The following SLC25A48 variants were observed in gnomAD, a reference collection of about 807,000 sequenced individuals.
SLC25A48 encodes solute carrier family 25 member 48.
A neutral mutation model predicts 32.2 loss-of-function variants in SLC25A48; 29 were observed. The ratio of observed to expected loss-of-function variants is 0.90; its 90% CI spans 0.67 to 1.23. The LOEUF (loss-of-function observed/expected upper bound fraction) is 1.23, where lower values mean the gene tolerates loss of function less well. Among genes scored for constraint, SLC25A48 ranks in the 50% most tolerant of loss-of-function variants. The pLI is 0.00. For missense variants in SLC25A48, 399 were observed against 422.7 expected, an observed-to-expected ratio of 0.94 and a Z score of 0.49; for synonymous variants, 164 against 172.3, an observed-to-expected ratio of 0.95 and a Z score of 0.38.
At chr5:135,634,303 G>T (rs1282337691) in intron 2 of SLC25A48, among the ~76,000 whole-genome samples, 1 of 152,232 alleles carries the variant, frequency 6.6e-6, no homozygotes, top group Non-Finnish European at 1.5e-5. Flanking sequence ...CAAATAACAG[G>T]CATCTCTTCC....
At chr5:135,697,294 A>ATCCCCCTC (rs879649036) in intron 3 of SLC25A48, among the ~76,000 whole-genome samples, 6 of 151,802 alleles carry the variant, frequency 4.0e-5, no homozygotes, top group Admixed American at 1.3e-4. Flanking sequence ...GAGAGAGGCA[A>ATCCCCCTC]CACAGAGGCT....
At chr5:135,628,271 A>G (rs1351765467) in intron 1 of SLC25A48, among the ~76,000 whole-genome samples, 1 of 152,174 alleles carries the variant, frequency 6.6e-6, no homozygotes, top group Non-Finnish European at 1.5e-5. Context: ...TAAAGACTCC[A>G]AAAACCTTTT....
At chr5:135,764,726 G>A (rs186149184) in intron 3 of SLC25A48, among the ~76,000 whole-genome samples, 1 of 144,334 alleles carries the variant, frequency 6.9e-6, no homozygotes, top group South Asian at 2.2e-4. Flanking sequence ...AGTGATTTTT[G>A]TCTCCATATC....
intron 4 of SLC25A48, among the ~76,000 whole-genome samples, chr5:135,828,448 G>A (rs921639703): frequency 1.7e-4 from 26 of 152,224 alleles, no homozygotes; most frequent in Admixed American, 1.2e-3. Context: ...GGATGTCCAG[G>A]TGCAGTGGAT....
At position 135,860,318 on chromosome 5, in the gene SLC25A48, G is replaced by A. The variant is rs576280886; in HGVS notation, c.421+7497G>A. On this transcript the variant is annotated intron_variant, in intron 4 of 7. Transcript: ENST00000681962. Reference sequence around the variant, plus strand: ...ATCTATGTTTCATTTTTCCTCTTTCGATTGAAACCTGGACACAGAACATAT... The same window carrying A: ...ATCTATGTTTCATTTTTCCTCTTTCAATTGAAACCTGGACACAGAACATAT... 4.6e-5 allele frequency among the ~76,000 whole-genome samples: 7 copies of A among 152,190 alleles called. No homozygotes were observed. In the South Asian group the frequency reaches 8.3e-4, roughly 18 times the overall value.
At chr5:135,718,823 A>G (rs1191071359) in intron 3 of SLC25A48, among the ~76,000 whole-genome samples, 2 of 151,728 alleles carry the variant, frequency 1.3e-5, no homozygotes, top group Admixed American at 6.6e-5. Context: ...ACAGATGAGT[A>G]GTTGCCAGAG....
chr5:135,605,522 G>A (rs1456156620), intron 1 of SLC25A48, among the ~76,000 whole-genome samples: 1 of 152,198 alleles, frequency 6.6e-6, no homozygotes, highest in Admixed American at 6.5e-5. Flanking sequence ...CTGCAGAAAT[G>A]CTGCAGGTAT....
intron 1 of SLC25A48, among the ~76,000 whole-genome samples, chr5:135,608,622 G>A (rs1751995408): frequency 6.6e-6 from 1 of 152,224 alleles, no homozygotes; most frequent in Admixed American, 6.5e-5. Flanking sequence ...GCTGGAGCAT[G>A]CAGGTCAGTC....
chr5:135,807,237 T>C (rs1757483128), intron 3 of SLC25A48, among the ~76,000 whole-genome samples: 1 of 150,784 alleles, frequency 6.6e-6, no homozygotes, highest in Admixed American at 6.6e-5. Context: ...ATCATGGCTA[T>C]TTCATGAATG....
At chr5:135,684,198 G>A (rs1753964734) in intron 3 of SLC25A48, among the ~76,000 whole-genome samples, 1 of 152,166 alleles carries the variant, frequency 6.6e-6, no homozygotes, top group African/African-American at 2.4e-5. Context: ...TCGGTTCTCA[G>A]AATTAATCAA....
At chr5:135,840,296 G>C (rs1198339857) in intron 1 of SLC25A48, among the ~76,000 whole-genome samples, 1 of 152,182 alleles carries the variant, frequency 6.6e-6, no homozygotes, top group Non-Finnish European at 1.5e-5. Flanking sequence ...CAGGAGGTAG[G>C]TGCTGTTATT....
intron 4 of SLC25A48, among the ~76,000 whole-genome samples, chr5:135,814,369 T>C (rs1417225932): frequency 6.6e-6 from 1 of 152,220 alleles, no homozygotes; most frequent in African/African-American, 2.4e-5. Flanking sequence ...CTCTGCTTTC[T>C]GAGAACTCCA....
chr5:135,774,578 C>T (rs1258754665), intron 3 of SLC25A48, among the ~76,000 whole-genome samples: 2 of 151,644 alleles, frequency 1.3e-5, no homozygotes, highest in South Asian at 2.1e-4. Context: ...AATATCACAG[C>T]GGTTATACAC....
intron 3 of SLC25A48, among the ~76,000 whole-genome samples, chr5:135,736,163 G>A (rs1205193211): frequency 2.0e-5 from 3 of 152,118 alleles, no homozygotes; most frequent in Admixed American, 2.0e-4. Context: ...ACAGGCAGGA[G>A]GGAAAGAAGG....
intron 3 of SLC25A48, among the ~76,000 whole-genome samples, chr5:135,728,273 T>C (rs1158901605): frequency 2.1e-5 from 3 of 143,998 alleles, no homozygotes; most frequent in Non-Finnish European, 4.6e-5. Context: ...AAAAAAAAAA[T>C]GTGGCTTTCT....
chr5:135,795,749 GGA>G (rs780046732), intron 3 of SLC25A48, among the ~76,000 whole-genome samples: 10 of 151,368 alleles, frequency 6.6e-5, no homozygotes, highest in African/African-American at 2.4e-4. Flanking sequence ...ATCCGGTGGG[GGA>G]GAGAGTGTGA....
chr5:135,584,117 G>A (rs1396500001), intron 1 of SLC25A48, among the ~76,000 whole-genome samples: 2 of 152,222 alleles, frequency 1.3e-5, no homozygotes, highest in East Asian at 1.9e-4. Flanking sequence ...TATGTAGGGG[G>A]GCTCTGTTAC....
intron 3 of SLC25A48, among the ~76,000 whole-genome samples, chr5:135,683,497 A>G (rs1280694650): frequency 8.5e-6 from 1 of 117,450 alleles, no homozygotes; most frequent in Non-Finnish European, 1.9e-5. Context: ...GGGATAAGGA[A>G]TACATTTCTT....
At chr5:135,754,764 T>G (rs942464239) in intron 3 of SLC25A48, among the ~76,000 whole-genome samples, 9 of 140,676 alleles carry the variant, frequency 6.4e-5, no homozygotes, top group African/African-American at 2.1e-4. Context: ...TAATATCGAG[T>G]GTTTATACAC....
Sources: gnomAD v4.1 joint callset for allele counts (sites outside exome capture counted in the v4.1 genomes callset) on GRCh38, gnomAD v4.1.1 for gene constraint, MANE v1.5 for transcripts, NCBI Gene and HGNC (gene_info 2026-07-23, HGNC 2026-07-21) for gene names.